RBM6: variants seen among roughly 807,000 people sequenced by gnomAD.
RBM6 encodes RNA binding motif protein 6, also known as RNA-binding protein 6.
RBM6 carries 23 observed loss-of-function variants against 140.4 expected under a neutral mutation model. The ratio of observed to expected loss-of-function variants is 0.16; its 90% CI spans 0.12 to 0.23. RBM6 has a LOEUF of 0.23. Ranked by LOEUF, RBM6 falls within the 10% of genes least tolerant of loss-of-function variation. The pLI, the probability that RBM6 is intolerant of heterozygous loss-of-function variation, is 1.00. For missense variants in RBM6, 1,139 were observed against 1,386.7 expected, an observed-to-expected ratio of 0.82 and a Z score of 2.84; for synonymous variants, 439 against 475.6, an observed-to-expected ratio of 0.92 and a Z score of 1.00.
chr3:50,053,446 G>T (rs981406797), intron 7 of RBM6, among the ~76,000 whole-genome samples: 1 of 151,914 alleles, frequency 6.6e-6, no homozygotes, highest in Non-Finnish European at 1.5e-5. Context: ...CAGGAGAATC[G>T]CTTGAACCCG....
intron 5 of RBM6, among the ~76,000 whole-genome samples, chr3:49,978,672 C>T (rs548999108): frequency 4.6e-5 from 7 of 152,104 alleles, no homozygotes; most frequent in African/African-American, 7.2e-5. Context: ...ATAATACTTA[C>T]GCTGCAAAAT....
intron 5 of RBM6, among the ~76,000 whole-genome samples, chr3:49,988,545 T>G (rs1302870112): frequency 2.0e-5 from 3 of 152,170 alleles, no homozygotes. Flanking sequence ...GGTTCATTCA[T>G]TTGCTTTAGA....
At chr3:50,002,326 A>T (rs979894383) in intron 6 of RBM6, among the ~76,000 whole-genome samples, 4 of 149,520 alleles carry the variant, frequency 2.7e-5, no homozygotes, top group Non-Finnish European at 5.9e-5. Context: ...CGGTGGCACG[A>T]TCTCAGCTCA....
chr3:50,006,221 C>T (rs9812936), intron 6 of RBM6, among the ~76,000 whole-genome samples: 97,580 of 150,294 alleles, frequency 0.65, 32,270 homozygotes, highest in East Asian at 0.88. Flanking sequence ...CTGCAACCTC[C>T]GCCTCCTGGG....
chr3:50,035,509 C>T (rs1040878511), intron 6 of RBM6, among the ~76,000 whole-genome samples: 18 of 151,872 alleles, frequency 1.2e-4, no homozygotes, highest in South Asian at 2.1e-4. Flanking sequence ...GGTGAAACCC[C>T]GTCTCTACTA....
intron 5 of RBM6, among the ~76,000 whole-genome samples, chr3:49,980,448 GA>G (rs1037279884): frequency 6.6e-6 from 1 of 151,982 alleles, no homozygotes; most frequent in African/African-American, 2.4e-5. Flanking sequence ...AAAGTAGATG[GA>G]TCACAATGTT....
chr3:50,028,978 A>G (rs148236362), intron 6 of RBM6, among the ~76,000 whole-genome samples: 1 of 152,300 alleles, frequency 6.6e-6, no homozygotes, highest in African/African-American at 2.4e-5. Flanking sequence ...ATTAGTAGAT[A>G]CTATTTCTCC....
In RBM6 at chr3:49,967,714, G is replaced by C. The variant is rs2084568907; in HGVS notation, c.289G>C (p.Gly97Arg). Reference protein sequence around the residue: ...GGEGPGHDFRGGDFSSSDFQS... With the variant: ...GGEGPGHDFRRGDFSSSDFQS... ...GGAGGGACCTGGACATGATTTCAGG[G>C]GGGGAGATTTTTCGTCTTCTGATTT... The change falls in exon 3 of 21, where the codon GGG becomes CGG. Residue 97 changes from glycine (G) to arginine (R), a missense_variant. By Grantham distance (125) the Gly-to-Arg change is moderately radical. This residue lies in a region of RBM6 where 566 missense variants were observed against 612.7 expected (regional missense o/e 0.92). Transcript: ENST00000266022. This position sits in a 1 kb window ranked among gnomAD's most constrained non-coding sequence, Gnocchi z 4.0. 6 of 1,614,140 alleles carry C rather than the reference G, an allele frequency of 3.7e-6. No homozygotes were observed. Among genetic ancestry groups the C allele is most frequent in the Non-Finnish European group, 5.1e-6 (6 of 1,180,042 alleles).
At chr3:50,057,688 T>TTAA in intron 8 of RBM6, 40 bp from the exon 9 acceptor site, 1 of 1,472,684 alleles carries the variant, frequency 6.8e-7, no homozygotes, top group African/African-American at 1.4e-5. Context: ...TTTTTTTTGA[T>TTAA]AAAGCTTTCT....
chr3:49,961,692 G>A (rs1180285827), intron 1 of RBM6, among the ~76,000 whole-genome samples: 3 of 151,778 alleles, frequency 2.0e-5, no homozygotes, highest in East Asian at 3.9e-4. Context: ...CCAGCTACTC[G>A]GGAGGCTGAG....
At chr3:50,013,891 A>G (rs1442597935) in intron 6 of RBM6, among the ~76,000 whole-genome samples, 1 of 152,070 alleles carries the variant, frequency 6.6e-6, no homozygotes, top group Non-Finnish European at 1.5e-5. Flanking sequence ...ACCACTGGAC[A>G]TTTGGCAATG....
intron 1 of RBM6, among the ~76,000 whole-genome samples, chr3:49,954,155 A>G (rs1029413960): frequency 6.6e-6 from 1 of 150,902 alleles, no homozygotes; most frequent in African/African-American, 2.5e-5. Flanking sequence ...AAAAAAATTT[A>G]TAGGCCGGGC....
At chr3:50,029,503 G>A (rs902608382) in intron 6 of RBM6, among the ~76,000 whole-genome samples, 1 of 152,220 alleles carries the variant, frequency 6.6e-6, no homozygotes, top group African/African-American at 2.4e-5. Flanking sequence ...GGGAGGCTGA[G>A]GCGGGCAGAT....
chr3:49,995,362 C>A (rs1483035121), intron 5 of RBM6, among the ~76,000 whole-genome samples: 1 of 152,068 alleles, frequency 6.6e-6, no homozygotes, highest in Non-Finnish European at 1.5e-5. Context: ...TCGAGACCAG[C>A]CTGGCCAACG....
chr3:50,071,724 C>A (rs1250228988), intron 19 of RBM6, among the ~76,000 whole-genome samples: 1 of 152,128 alleles, frequency 6.6e-6, no homozygotes, highest in African/African-American at 2.4e-5. Flanking sequence ...AGGGAGAAGT[C>A]ACTGATGGTG....
chr3:50,002,626 A>C (rs2086392477), intron 6 of RBM6, among the ~76,000 whole-genome samples: 1 of 152,110 alleles, frequency 6.6e-6, no homozygotes, highest in Non-Finnish European at 1.5e-5. Flanking sequence ...TGAACTGCAG[A>C]CCTTAGGTGA....
intron 4 of RBM6, among the ~76,000 whole-genome samples, chr3:49,972,438 A>C (rs2084842966): frequency 6.6e-6 from 1 of 152,220 alleles, no homozygotes; most frequent in South Asian, 2.1e-4. Context: ...TGCTCTCTTT[A>C]GACCTGATCA....
chr3:49,983,754 T>A (rs1180003743), intron 5 of RBM6, among the ~76,000 whole-genome samples: 1 of 152,142 alleles, frequency 6.6e-6, no homozygotes, highest in Non-Finnish European at 1.5e-5. Context: ...CAGTTGAAAT[T>A]TAAGGAAACT....
At chr3:50,035,656 T>C (rs1363220110) in intron 6 of RBM6, among the ~76,000 whole-genome samples, 2 of 151,856 alleles carry the variant, frequency 1.3e-5, no homozygotes, top group Non-Finnish European at 2.9e-5. Context: ...CACTCCAGCC[T>C]GGTCGACAGA....
Sources: allele counts gnomAD v4.1 joint callset (sites outside exome capture counted in the v4.1 genomes callset), GRCh38; gene constraint gnomAD v4.1.1; regional missense constraint gnomAD v4.1.1; non-coding constraint Gnocchi (gnomAD v3.1); transcripts MANE v1.5; gene names NCBI Gene and HGNC (gene_info 2026-07-23, HGNC 2026-07-21).